The following DICER1 variants were observed in gnomAD, a reference collection of about 807,000 sequenced individuals.
DICER1 encodes the protein endoribonuclease Dicer.
Under a neutral mutation model 194.1 loss-of-function variants are expected in DICER1, and 43 were observed. That is an observed-to-expected ratio of 0.22 (90% CI 0.17 to 0.29). The LOEUF is 0.29. Among genes scored for constraint, DICER1 ranks in the 10% least tolerant of loss-of-function variants. The probability of loss-of-function intolerance (pLI) is 1.00; values close to 1 mark genes in which losing one functional copy is unlikely to be tolerated. For synonymous variants in DICER1, 832 were observed against 820.5 expected (o/e 1.01, Z -0.24); for missense variants, 1,608 against 2,317.0 (o/e 0.69, Z 6.28).
rs76945309 is a variant in DICER1 at position 95,093,148 on chromosome 14, T to A, written c.5364+740A>T. On this transcript the variant is annotated intron_variant, in intron 24 of 26. Transcript: ENST00000343455. ...ATGACAACTAAAACAGCTACTAGTA[T>A]TAAGGTTGTATTTCCTGACTCCTTA... Among the ~76,000 whole-genome samples, 22 of 152,294 alleles carry A rather than the reference T, an allele frequency of 1.4e-4. No homozygotes were observed. The East Asian group carries it at 4.2e-3, about 29-fold the overall frequency.
chr14:95,135,497 T>C (rs895850872), intron 1 of DICER1, among the ~76,000 whole-genome samples: 5 of 152,154 alleles, frequency 3.3e-5, no homozygotes, highest in African/African-American at 1.2e-4. Context: ...GTAATAACAA[T>C]AAATAACTTT....
intron 1 of DICER1, 99 bp from the exon 2 acceptor site, chr14:95,133,602 C>A: frequency 1.1e-6 from 1 of 891,588 alleles, no homozygotes; most frequent in Non-Finnish European, 1.8e-6. Context: ...TTCCTATGAG[C>A]CATTCAAACT....
Position 95,126,721 on chromosome 14 carries a change from C to G in DICER1, c.762G>C (p.Val254=). Residue 254 remains valine, a synonymous_variant, in exon 7 of 27, where the codon GTG becomes GTC. Transcript: ENST00000343455. ...TGTCAGTAAATGGTCCACAATCCACCACAATCTCACATGGCTGAGAAGTAT... is the reference window on the plus strand; with the variant it reads ...TGTCAGTAAATGGTCCACAATCCACGACAATCTCACATGGCTGAGAAGTAT... ...DRYTSQPCEI[V]VDCGPFTDRS... The G allele has an allele frequency of 6.2e-7, 1 of 1,610,300 alleles. No homozygotes were observed. Among genetic ancestry groups the G allele is most frequent in the South Asian group, 1.1e-5 (1 of 91,004 alleles).
chr14:95,129,755 G>T, intron 5 of DICER1, 123 bp from the exon 6 acceptor site: 1 of 928,750 alleles, frequency 1.1e-6, no homozygotes, highest in Non-Finnish European at 1.6e-6. Context: ...TTGTTTGGTG[G>T]AAATGCCACT....
chr14:95,123,591 T>C (rs1893126509), intron 8 of DICER1, among the ~76,000 whole-genome samples: 1 of 152,180 alleles, frequency 6.6e-6, no homozygotes, highest in South Asian at 2.1e-4. Flanking sequence ...GGCTAATTTT[T>C]GTATTTTTTC....
chr14:95,111,393 T>C lies in DICER1; in HGVS notation c.2180A>G (p.Asp727Gly), dbSNP rs997546722. Reference protein sequence around the residue: ...KETVKYEEELDLHDEEETSVP... With the variant: ...KETVKYEEELGLHDEEETSVP... ...ACTGGTCTCTTCTTCATCATGCAAA[T>C]CAAGCTCCTCTTCATATTTAACAGT... Residue 727 changes from aspartate to glycine, a missense_variant, in exon 14 of 27, where the codon GAT (aspartate) becomes GGT (glycine). Asp to Gly is a moderately conservative substitution (Grantham distance 94). Around this residue, in one of 10 missense-constraint regions of DICER1, gnomAD observed 657 missense variants for 910.1 expected, o/e 0.72. Coordinates refer to ENST00000343455, the MANE Select transcript of DICER1 (RefSeq NM_177438.3). 1 of 1,614,148 alleles carries C rather than the reference T, an allele frequency of 6.2e-7. No homozygotes were observed. The highest frequency in any genetic ancestry group is 8.5e-7 in the Non-Finnish European group (1 of 1,179,982).
At chr14:95,128,267 C>A (rs1223645339) in intron 6 of DICER1, among the ~76,000 whole-genome samples, 1 of 152,172 alleles carries the variant, frequency 6.6e-6, no homozygotes, top group East Asian at 1.9e-4. Context: ...TCCTTATTTG[C>A]AGAATTAGGT....
chr14:95,121,253 C>T (rs1892916622), intron 8 of DICER1, among the ~76,000 whole-genome samples: 1 of 152,122 alleles, frequency 6.6e-6, no homozygotes, highest in African/African-American at 2.4e-5. Context: ...TAGATACTGA[C>T]AACTAAATGT....
intron 1 of DICER1, among the ~76,000 whole-genome samples, chr14:95,138,762 A>T (rs1375780605): frequency 2.7e-5 from 4 of 145,516 alleles, no homozygotes; most frequent in Non-Finnish European, 6.0e-5. Context: ...GTGGGAATTG[A>T]ACAATGAGAT....
intron 8 of DICER1, among the ~76,000 whole-genome samples, chr14:95,122,661 T>C (rs1893032251): frequency 6.6e-6 from 1 of 152,354 alleles, no homozygotes; most frequent in Admixed American, 6.5e-5. Flanking sequence ...CTCTCTCTCC[T>C]GAGGCTCTTT....
rs1891647697 is a variant in DICER1 at position 95,108,367 on chromosome 14, G to T, written c.2393C>A (p.Thr798Asn). 6.2e-7 allele frequency: 1 copy of T among 1,614,004 alleles called. No homozygotes were observed. Reference sequence around the variant, plus strand: ...CGTCAGTATTCCAAAGCATCTTGTGGTATCTTCAGGAGGATAGAGCTTCCG... The same window carrying T: ...CGTCAGTATTCCAAAGCATCTTGTGTTATCTTCAGGAGGATAGAGCTTCCG... ...RRRKLYPPED[T>N]TRCFGILTAK... Residue 798 changes from threonine to asparagine, a missense_variant, in exon 15 of 27, where the codon ACC becomes AAC. Thr to Asn is a moderately conservative substitution (Grantham distance 65). Coordinates refer to ENST00000343455, the MANE Select transcript of DICER1 (RefSeq NM_177438.3).
Position 95,106,238 on chromosome 14 carries a change from CA to C in DICER1, c.2805-16del, listed in dbSNP as rs1247349215. 8 of 1,598,280 alleles carry C rather than the reference CA, an allele frequency of 5.0e-6. No homozygotes were observed. The highest frequency in any genetic ancestry group is 2.2e-5 in the South Asian group (2 of 90,636). Reference sequence around the variant, plus strand: ...AATTGCGATATCTAAAAAAGAAAAACAAAAAAACAATCAGTTGCTTTTTGAT... The same window carrying C: ...AATTGCGATATCTAAAAAAGAAAAACAAAAAACAATCAGTTGCTTTTTGAT... On this transcript the variant is annotated splice_polypyrimidine_tract_variant and intron_variant, in intron 17 of 26. Coordinates refer to ENST00000343455, the MANE Select transcript of DICER1 (RefSeq NM_177438.3).
intron 17 of DICER1, among the ~76,000 whole-genome samples, 192 bp downstream of exon 17, chr14:95,107,416 A>G (rs531839034): frequency 6.6e-6 from 1 of 151,896 alleles, no homozygotes; most frequent in South Asian, 2.1e-4. Flanking sequence ...ACGCCTGGCT[A>G]ATTTTTTGTA....
At chr14:95,126,068 A>C (rs1893432363) in intron 7 of DICER1, among the ~76,000 whole-genome samples, 1 of 130,218 alleles carries the variant, frequency 7.7e-6, no homozygotes, top group Non-Finnish European at 1.6e-5. Flanking sequence ...GGGCTTATCG[A>C]AATTCAAAAC....
rs1892965511 is a variant in DICER1, at chr14:95,121,900, T to C, written c.1376+2296A>G. 2.6e-5 allele frequency among the ~76,000 whole-genome samples: 4 copies of C among 152,196 alleles called. No homozygotes were observed. The South Asian group carries it at 8.3e-4, about 32-fold the overall frequency. On this transcript the variant is annotated intron_variant, in intron 8 of 26. Transcript: ENST00000343455. ...ATAGAAGTGGCTGTGATTTATTTTTTTTAATTAGGAGAGTAGAAAACTGCA... is the reference window on the plus strand; with the variant it reads ...ATAGAAGTGGCTGTGATTTATTTTTCTTAATTAGGAGAGTAGAAAACTGCA...
rs908106384 is a variant in DICER1 at position 95,089,194 on chromosome 14, A to C, written c.*1304T>G. 9 of 233,060 alleles carry C rather than the reference A, an allele frequency of 3.9e-5. No individual in the cohort carries two copies. The highest frequency in any genetic ancestry group is 1.8e-4 in the African/African-American group (8 of 45,344). The allele number at this position is 233,060 out of a possible 1,614,324, so 14.4% of individuals were successfully genotyped here. On this transcript the variant is annotated 3_prime_UTR_variant, in exon 27 of 27. Transcript: ENST00000343455. ...ATTAAAGAAACTTAGGCAAATGCCT[A>C]AAGAAGTTTTTTTTTTTTTCCTTTT...
chr14:95,155,171 C>A (rs1895763851), intron 1 of DICER1, among the ~76,000 whole-genome samples: 1 of 152,134 alleles, frequency 6.6e-6, no homozygotes, highest in Non-Finnish European at 1.5e-5. Context: ...ATCGCAGGGT[C>A]ACAGTGAGGA....
At position 95,115,661 on chromosome 14, in the gene DICER1, C is replaced by T. The variant is rs543458208; in HGVS notation, c.1907+6G>A. ...GGTTTTCCACACAAATGATATGATG[C>T]CATACCTATTGATGTGTCCAATGGC... On this transcript the variant is annotated splice_donor_region_variant and intron_variant, in intron 11 of 26. Coordinates refer to ENST00000343455, the MANE Select transcript of DICER1 (RefSeq NM_177438.3). 1 of 1,613,992 alleles carries T rather than the reference C, an allele frequency of 6.2e-7. No homozygotes were observed. Among genetic ancestry groups the T allele is most frequent in the African/African-American group, 1.3e-5 (1 of 75,022 alleles).
Position 95,124,415 on chromosome 14 carries a change from T to C in DICER1, c.1157A>G (p.Lys386Arg), listed in dbSNP as rs777556655. Residue 386 changes from lysine (K) to arginine (R), a missense_variant, in exon 8 of 27, where the codon AAA becomes AGA. Lys to Arg is a conservative substitution (Grantham distance 26). Transcript: ENST00000343455. This position sits in a 1 kb window ranked among gnomAD's most constrained non-coding sequence, Gnocchi z 4.5. ...KVIKLLEILR[K>R]YKPYERQQFE... ...CTGCTGTCGCTCATATGGTTTATAT[T>C]TGCGTAAGATTTCGAGCAGTTTGAT... The C allele has an allele frequency of 1.1e-5, 17 of 1,614,068 alleles. No individual in the cohort carries two copies. The highest frequency in any genetic ancestry group is 1.4e-5 in the Non-Finnish European group (16 of 1,180,004).
Sources: allele counts gnomAD v4.1 joint callset (sites outside exome capture counted in the v4.1 genomes callset), GRCh38; gene constraint gnomAD v4.1.1; regional missense constraint gnomAD v4.1.1; non-coding constraint Gnocchi (gnomAD v3.1); transcripts MANE v1.5; gene names NCBI Gene and HGNC (gene_info 2026-07-23, HGNC 2026-07-21).